The following SYNE2 variants were observed in gnomAD, a reference collection of about 807,000 sequenced individuals.
The protein encoded by SYNE2 is spectrin repeat containing nuclear envelope protein 2.
SYNE2 carries 431 observed loss-of-function variants against 856.3 expected under a neutral mutation model. The ratio of observed to expected loss-of-function variants is 0.50; its 90% CI spans 0.47 to 0.55. The LOEUF (loss-of-function observed/expected upper bound fraction) is 0.55, where lower values mean the gene tolerates loss of function less well. SYNE2 is among the 20% of genes least tolerant of loss of function. The pLI, the probability that SYNE2 is intolerant of heterozygous loss-of-function variation, is 0.00. For missense variants in SYNE2, 8,129 were observed against 8,023.2 expected (o/e 1.01, Z -0.50); for synonymous variants, 2,923 against 2,872.3 (o/e 1.02, Z -0.56).
At chr14:64,104,414 A>G (rs1313127880) in intron 64 of SYNE2, among the ~76,000 whole-genome samples, 2 of 140,274 alleles carry the variant, frequency 1.4e-5, no homozygotes, top group African/African-American at 2.6e-5. Context: ...CATTCCCCCA[A>G]TGTTCTGTCC....
At chr14:64,221,296 G>T (rs535415079) in intron 111 of SYNE2, among the ~76,000 whole-genome samples, 1 of 152,128 alleles carries the variant, frequency 6.6e-6, no homozygotes, top group East Asian at 1.9e-4. Flanking sequence ...TGAGGAATGC[G>T]TGTGGCCTTC....
intron 100 of SYNE2, among the ~76,000 whole-genome samples, chr14:64,203,926 C>T (rs905276421): frequency 2.0e-5 from 3 of 152,132 alleles, no homozygotes; most frequent in Non-Finnish European, 4.4e-5. Flanking sequence ...TATATTGCCC[C>T]GGCTGGTCTT....
chr14:63,815,179 TC>T (rs1888899864), intron 1 of SYNE2, among the ~76,000 whole-genome samples: 1 of 61,116 alleles, frequency 1.6e-5, no homozygotes, highest in Non-Finnish European at 3.1e-5. Context: ...CACATATATA[TC>T]CATATATATA....
intron 73 of SYNE2, among the ~76,000 whole-genome samples, chr14:64,127,280 C>A (rs1343510078): frequency 6.6e-6 from 1 of 151,602 alleles, no homozygotes; most frequent in Non-Finnish European, 1.5e-5. Context: ...AAGGTGAAGC[C>A]CTTTAAAGTC....
chr14:64,130,152 G>T lies in SYNE2; in HGVS notation c.14244G>T (p.Val4748=). 6.2e-7 allele frequency: 1 copy of T among 1,614,160 alleles called. No homozygotes were observed. The highest frequency in any genetic ancestry group is 8.5e-7 in the Non-Finnish European group (1 of 1,180,018). ...SQQDALLQGM[V]ELVKIGKEKL... Reference sequence around the variant, plus strand: ...AAGATGCTTTGTTGCAAGGCATGGTGGAACTGGTGAAGATTGGGAAGGAAA... The same window carrying T: ...AAGATGCTTTGTTGCAAGGCATGGTTGAACTGGTGAAGATTGGGAAGGAAA... The change falls in exon 76 of 116, where the codon GTG becomes GTT. Residue 4748 remains valine, a synonymous_variant. Coordinates refer to ENST00000555002, the MANE Select transcript of SYNE2 (RefSeq NM_182914.3).
rs753925813 is a variant in SYNE2, at chr14:64,170,352, G to T, written c.17125G>T (p.Val5709Leu). Reference protein sequence around the residue: ...VRQWQDFTTSVENLFRFLTDT... With the variant: ...VRQWQDFTTSLENLFRFLTDT... ...GCAGTGGCAAGATTTCACTACTTCT[G>T]TGGAGAACTTGTTTCGCTTCCTCAC... Residue 5709 changes from valine to leucine, a missense_variant, in exon 94 of 116, where the codon GTG becomes TTG. Physicochemically the swap from Val to Leu is conservative, Grantham distance 32. This residue lies in a region of SYNE2 where 5,410 missense variants were observed against 5,284.8 expected (regional missense o/e 1.02). Coordinates refer to ENST00000555002, the MANE Select transcript of SYNE2 (RefSeq NM_182914.3). The T allele has an allele frequency of 3.1e-6, 5 of 1,614,146 alleles. No individual in the cohort carries two copies. Among genetic ancestry groups the T allele is most frequent in the Middle Eastern group, 1.6e-4 (1 of 6,062 alleles).
At chr14:64,046,795 T>G (rs886870388) in intron 45 of SYNE2, among the ~76,000 whole-genome samples, 5 of 152,218 alleles carry the variant, frequency 3.3e-5, no homozygotes, top group Non-Finnish European at 7.3e-5. Context: ...TCTGGCAAGC[T>G]GCTCTGGGTG....
Position 64,031,062 on chromosome 14 carries a change from T to G in SYNE2, c.6926T>G (p.Ile2309Ser). The change falls in exon 45 of 116, where the codon ATT becomes AGT. Residue 2309 changes from isoleucine (I) to serine (S), a missense_variant. By Grantham distance (142) the Ile-to-Ser change is moderately radical (BLOSUM62 -2). Coordinates refer to ENST00000555002, the MANE Select transcript of SYNE2 (RefSeq NM_182914.3). ...TTACAAGATGGCACATTAAAGAAGA[T>G]TTTAGCTTTAGCAAAATCCGTCAAG... ...LSLQDGTLKK[I>S]LALAKSVKQN... is the part of the protein sequence containing the mutation. 1 of 1,614,042 alleles carries G rather than the reference T, an allele frequency of 6.2e-7. No individual in the cohort carries two copies.
intron 26 of SYNE2, 47 bp downstream of exon 26, chr14:63,998,375 A>G: frequency 7.9e-7 from 1 of 1,264,468 alleles, no homozygotes; most frequent in Non-Finnish European, 1.2e-6. Flanking sequence ...GAAGTCTTTC[A>G]TCGATGCAAA....
chr14:64,034,926 A>G (rs1288273123), intron 45 of SYNE2, among the ~76,000 whole-genome samples: 2 of 151,078 alleles, frequency 1.3e-5, no homozygotes, highest in Non-Finnish European at 1.5e-5. Context: ...TACATTTTCT[A>G]ATTTATTATT....
In SYNE2 at chr14:63,980,964, T is replaced by G. The variant is rs2096581169; in HGVS notation, c.1649-22T>G. The G allele has an allele frequency of 4.7e-6, 7 of 1,492,830 alleles. No individual in the cohort carries two copies. In the East Asian group the frequency reaches 1.6e-4, roughly 34 times the overall value. 92.5% of individuals were successfully genotyped at this position (1,492,830 alleles called of 1,614,324 possible). On this transcript the variant is annotated intron_variant, in intron 15 of 115. Transcript: ENST00000555002. ...AAAAAATTGTTTTCTAAGATTACTT[T>G]TTTGTTTTGTTAATATTGTAGCTGG...
At position 64,017,715 on chromosome 14, in the gene SYNE2, G is replaced by A; in HGVS notation, c.5008G>A (p.Glu1670Lys). 1 of 1,613,718 alleles carries A rather than the reference G, an allele frequency of 6.2e-7. No individual in the cohort carries two copies. Among genetic ancestry groups the A allele is most frequent in the Non-Finnish European group, 8.5e-7 (1 of 1,179,806 alleles). The change falls in exon 34 of 116, where the codon GAA becomes AAA. Residue 1670 changes from glutamate to lysine, a missense_variant. Glu to Lys is a moderately conservative substitution (Grantham distance 56). Transcript: ENST00000555002. The part of the protein sequence containing the change: ...EWTEKALQKM[E>K]LHQLTEEDRE... ...GACAGAAAAGGCCCTTCAAAAAATG[G>A]AATTACATCAATTGACTGAAGAGGA...
chr14:63,854,839 A>G (rs1891330871), intron 1 of SYNE2, among the ~76,000 whole-genome samples: 1 of 152,254 alleles, frequency 6.6e-6, no homozygotes, highest in African/African-American at 2.4e-5. Flanking sequence ...TATTCTGAGT[A>G]GTGCTCTCAC....
chr14:64,093,365 C>T lies in SYNE2; in HGVS notation c.11993C>T (p.Thr3998Ile), dbSNP rs886050585. 7.4e-6 allele frequency: 12 copies of T among 1,613,884 alleles called. No individual in the cohort carries two copies. Among genetic ancestry groups the T allele is most frequent in the African/African-American group, 1.3e-5 (1 of 75,020 alleles). ...ATTTTATAGGTAGTCATAAAACAGACCAATGAATGGGATGAAGAAATAGAA... is the reference window on the plus strand; with the variant it reads ...ATTTTATAGGTAGTCATAAAACAGATCAATGAATGGGATGAAGAAATAGAA... ...NELLKVVIKQ[T>I]NEWDEEIENL... is the part of the protein sequence containing the mutation. Residue 3998 changes from threonine to isoleucine, a missense_variant, in exon 61 of 116, where the codon ACC (threonine) becomes ATC (isoleucine). Coordinates refer to ENST00000555002, the MANE Select transcript of SYNE2 (RefSeq NM_182914.3).
At chr14:63,995,272 T>C in intron 23 of SYNE2, 70 bp downstream of exon 23, 1 of 1,388,470 alleles carries the variant, frequency 7.2e-7, no homozygotes, top group East Asian at 2.4e-5. Context: ...TGTGTGTATC[T>C]TTAGCCTAGG....
In SYNE2 at chr14:64,162,257, C is replaced by T; in HGVS notation, c.16280C>T (p.Pro5427Leu). 1.9e-6 allele frequency: 3 copies of T among 1,614,184 alleles called. No individual in the cohort carries two copies. The highest frequency in any genetic ancestry group is 2.5e-6 in the Non-Finnish European group (3 of 1,180,004). The part of the protein sequence containing the change: ...SGNNLAEILP[P>L]ALQDIKELQH... ...AACAACCTGGCAGAGATCCTGCCCCCAGCCCTGCAGGACATAAAGGTGGGT... is the reference window on the plus strand; with the variant it reads ...AACAACCTGGCAGAGATCCTGCCCCTAGCCCTGCAGGACATAAAGGTGGGT... The change falls in exon 88 of 116, where the codon CCA (proline) becomes CTA (leucine). Residue 5427 changes from proline (P) to leucine (L), a missense_variant. Pro to Leu is a moderately conservative substitution (Grantham distance 98, BLOSUM62 -3). Transcript: ENST00000555002.
At chr14:63,767,589 ATGGCAGTCACT>A (rs900974142) in intron 1 of SYNE2, among the ~76,000 whole-genome samples, 1 of 152,102 alleles carries the variant, frequency 6.6e-6, no homozygotes, top group Non-Finnish European at 1.5e-5. Context: ...TGATTCCTAC[ATGGCAGTCACT>A]TGAACCCTCT....
At chr14:63,813,775 C>A (rs540754069) in intron 1 of SYNE2, among the ~76,000 whole-genome samples, 1 of 150,190 alleles carries the variant, frequency 6.7e-6, no homozygotes, top group African/African-American at 2.5e-5. Context: ...AGTATTAGAC[C>A]GGGTGTGGTG....
Position 64,070,890 on chromosome 14 carries a change from T to A in SYNE2, c.10677T>A (p.Ser3559=). The A allele has an allele frequency of 6.2e-7, 1 of 1,614,196 alleles. No homozygotes were observed. The highest frequency in any genetic ancestry group is 8.5e-7 in the Non-Finnish European group (1 of 1,179,996). The change falls in exon 52 of 116, where the codon TCT becomes TCA. Residue 3559 remains serine (S), a synonymous_variant. Coordinates refer to ENST00000555002, the MANE Select transcript of SYNE2 (RefSeq NM_182914.3). The part of the protein sequence containing the change: ...ETVPAFQEIT[S]MKERCNKLLQ... The stretch of plus-strand genomic sequence containing the variant: ...TTCCAGCATTTCAAGAAATTACTTC[T>A]ATGAAAGAACGATGCAACAAGTAAG...
Sources: gnomAD v4.1 joint callset for allele counts (sites outside exome capture counted in the v4.1 genomes callset) on GRCh38, gnomAD v4.1.1 for gene constraint, gnomAD v4.1.1 regional missense constraint, MANE v1.5 for transcripts, NCBI Gene and HGNC (gene_info 2026-07-23, HGNC 2026-07-21) for gene names.